Variants in EYA1 observed in about 807,000 individuals in gnomAD.
The protein encoded by EYA1 is EYA transcriptional coactivator and phosphatase 1, also known as protein phosphatase EYA1.
A neutral mutation model predicts 82.0 loss-of-function variants in EYA1; 16 were observed. The observed-to-expected ratio is 0.20, with a 90% CI of 0.13 to 0.30. The LOEUF (loss-of-function observed/expected upper bound fraction) is 0.30, where lower values mean the gene tolerates loss of function less well. Ranked by LOEUF, EYA1 falls within the 10% of genes least tolerant of loss-of-function variation. EYA1 has a pLI of 1.00. For synonymous variants in EYA1, 261 were observed against 264.4 expected, an observed-to-expected ratio of 0.99 and a Z score of 0.12; for missense variants, 633 against 730.7, an observed-to-expected ratio of 0.87 and a Z score of 1.54.
chr8:71,356,797 C>T, intron 1 of EYA1: 1 of 1,084,502 alleles, frequency 9.2e-7, no homozygotes. Context: ...GGGATTACCC[C>T]TCCCCCAATC....
chr8:71,238,166 TG>T (rs1812067935), intron 12 of EYA1, among the ~76,000 whole-genome samples: 1 of 152,186 alleles, frequency 6.6e-6, no homozygotes, highest in South Asian at 2.1e-4. Context: ...GCATAGAAGC[TG>T]AATAATCTAT....
At chr8:71,245,867 G>C (rs1813029289) in intron 11 of EYA1, among the ~76,000 whole-genome samples, 1 of 152,158 alleles carries the variant, frequency 6.6e-6, no homozygotes, top group African/African-American at 2.4e-5. Flanking sequence ...GCCATACTCA[G>C]AGAGCAGTGC....
chr8:71,493,664 C>CATTATAT (rs991346565), intron 2 of EYA1, among the ~76,000 whole-genome samples: 61 of 151,886 alleles, frequency 4.0e-4, no homozygotes, highest in Non-Finnish European at 5.6e-4. Flanking sequence ...TGGTTAATTT[C>CATTATAT]ATTATATATT....
intron 9 of EYA1, among the ~76,000 whole-genome samples, chr8:71,278,086 A>G (rs187965263): frequency 5.3e-5 from 8 of 152,110 alleles, no homozygotes; most frequent in African/African-American, 1.9e-4. Context: ...AGTTACTTCC[A>G]TTTTTTCCTC....
intron 11 of EYA1, among the ~76,000 whole-genome samples, chr8:71,266,712 A>G (rs1275150431): frequency 1.3e-5 from 2 of 152,078 alleles, no homozygotes; most frequent in African/African-American, 4.8e-5. Context: ...TCCTGTACTG[A>G]CTAGTCCCCC....
At chr8:71,532,885 A>G (rs1382740309) in intron 2 of EYA1, among the ~76,000 whole-genome samples, 1 of 152,206 alleles carries the variant, frequency 6.6e-6, no homozygotes, top group East Asian at 1.9e-4. Context: ...AGTATTTGGA[A>G]TATACTTAAT....
intron 7 of EYA1, among the ~76,000 whole-genome samples, chr8:71,299,946 ATAGAC>A (rs1563424332): frequency 6.6e-6 from 1 of 152,158 alleles, no homozygotes; most frequent in East Asian, 1.9e-4. Flanking sequence ...AGTAACTTAT[ATAGAC>A]TAATGACAAA....
chr8:71,357,225 GC>G (rs1228707501), intron 1 of EYA1, among the ~76,000 whole-genome samples: 3 of 152,232 alleles, frequency 2.0e-5, no homozygotes, highest in African/African-American at 7.2e-5. Flanking sequence ...AATGTAGTTA[GC>G]TTTTTTGGTG....
chr8:71,373,462 T>C (rs975426610), intron 2 of EYA1, among the ~76,000 whole-genome samples: 7 of 152,044 alleles, frequency 4.6e-5, no homozygotes, highest in Non-Finnish European at 1.0e-4. Flanking sequence ...GAAAATTATA[T>C]GAAACATTGA....
intron 4 of EYA1, 139 bp from the exon 5 acceptor site, chr8:71,322,407 G>A: frequency 2.8e-6 from 2 of 726,312 alleles, no homozygotes; most frequent in East Asian, 2.7e-5. Flanking sequence ...CTGCGGAGAT[G>A]GAAATTTCAT....
At chr8:71,483,735 A>T (rs1239267072) in intron 2 of EYA1, among the ~76,000 whole-genome samples, 1 of 152,092 alleles carries the variant, frequency 6.6e-6, no homozygotes, top group Non-Finnish European at 1.5e-5. Context: ...AATTGAAAGC[A>T]GTGATGCAAT....
intron 2 of EYA1, among the ~76,000 whole-genome samples, chr8:71,530,246 T>C (rs1367378829): frequency 6.6e-6 from 1 of 152,114 alleles, no homozygotes; most frequent in Non-Finnish European, 1.5e-5. Flanking sequence ...GTGCTGCAGC[T>C]ACAAGTCACA....
At chr8:71,327,930 A>G (rs1312470974) in intron 4 of EYA1, among the ~76,000 whole-genome samples, 3 of 140,674 alleles carry the variant, frequency 2.1e-5, no homozygotes, top group African/African-American at 8.1e-5. Flanking sequence ...ATCTCAGCTC[A>G]CTGCAACCTC....
At chr8:71,415,123 A>G (rs1000921022) in intron 2 of EYA1, among the ~76,000 whole-genome samples, 1 of 152,182 alleles carries the variant, frequency 6.6e-6, no homozygotes, top group Non-Finnish European at 1.5e-5. Context: ...TGTACCGGCA[A>G]TATAAAGGAA....
intron 1 of EYA1, among the ~76,000 whole-genome samples, chr8:71,539,460 T>A (rs1011497836): frequency 1.3e-5 from 2 of 152,166 alleles, no homozygotes; most frequent in African/African-American, 2.4e-5. Flanking sequence ...GATGCTTGCA[T>A]GGGCATCTGT....
intron 2 of EYA1, among the ~76,000 whole-genome samples, chr8:71,373,337 T>C (rs1019593748): frequency 1.3e-5 from 2 of 152,132 alleles, no homozygotes; most frequent in Admixed American, 1.3e-4. Context: ...ATTTTTATGC[T>C]AATAATAATC....
At chr8:71,355,073 C>T (rs1004647705) in intron 2 of EYA1, among the ~76,000 whole-genome samples, 164 bp from the exon 3 acceptor site, 2 of 152,074 alleles carry the variant, frequency 1.3e-5, no homozygotes, top group Admixed American at 1.3e-4. Flanking sequence ...TTCAGGTATC[C>T]CTTCATCATA....
rs759264949 is a variant in EYA1, at chr8:71,356,481, C to T, written c.-24G>A. 1.9e-6 allele frequency: 3 copies of T among 1,584,916 alleles called. No homozygotes were observed. Among genetic ancestry groups the T allele is most frequent in the East Asian group, 4.5e-5 (2 of 43,970 alleles). On this transcript the variant is annotated 5_prime_UTR_variant, in exon 2 of 18. Transcript: ENST00000340726. The stretch of plus-strand genomic sequence containing the variant: ...CCTTACCTGCAACTTGAGGAAACAG[C>T]AACATCTGAACTGGCTTGAGATGTT...
chr8:71,288,746 T>C (rs890247108), intron 9 of EYA1, among the ~76,000 whole-genome samples: 5 of 152,238 alleles, frequency 3.3e-5, no homozygotes, highest in African/African-American at 1.2e-4. Flanking sequence ...CATGCTTACC[T>C]AATCAATCAA....
Sources: gnomAD v4.1 joint callset for allele counts (sites outside exome capture counted in the v4.1 genomes callset) on GRCh38, gnomAD v4.1.1 for gene constraint, MANE v1.5 for transcripts, NCBI Gene and HGNC (gene_info 2026-07-23, HGNC 2026-07-21) for gene names.